The following RRP12 variants were observed in gnomAD, a reference collection of about 807,000 sequenced individuals.
RRP12 encodes ribosomal RNA processing 12 homolog, also known as RRP12-like protein.
A neutral mutation model predicts 157.3 loss-of-function variants in RRP12; 78 were observed. The ratio of observed to expected loss-of-function variants is 0.50; its 90% confidence interval spans 0.41 to 0.60. The LOEUF is 0.60. RRP12 is among the 20% of genes least tolerant of loss of function. The pLI is 0.00. For synonymous variants in RRP12, 726 were observed against 670.9 expected (o/e 1.08, Z -1.27); for missense variants, 1,521 against 1,679.9 (o/e 0.91, Z 1.65).
chr10:97,359,867 A>G (rs1843798557), intron 31 of RRP12, among the ~76,000 whole-genome samples: 2 of 152,198 alleles, frequency 1.3e-5, no homozygotes, highest in Non-Finnish European at 2.9e-5. Context: ...CGGAAGAGCC[A>G]TGAGGTTGTG....
In RRP12 at chr10:97,381,422, G is replaced by A. The variant is rs1174017228; in HGVS notation, c.1382C>T (p.Ala461Val). ...GGCAACAGATTGGGCAGGGCCTGAG[G>A]CCGAGGAGGTCACGGAGCCAATGTC... ...MADIGSVTSSASGPAQSVAKM... is the reference protein window; with the variant it reads ...MADIGSVTSSVSGPAQSVAKM... The change falls in exon 12 of 34, where the codon GCC (alanine) becomes GTC (valine). Residue 461 changes from alanine to valine, a missense_variant. By Grantham distance (64) the Ala-to-Val change is moderately conservative. Transcript: ENST00000370992. 2 of 1,613,400 alleles carry A rather than the reference G, an allele frequency of 1.2e-6. No individual in the cohort carries two copies. Among genetic ancestry groups the A allele is most frequent in the East Asian group, 2.2e-5 (1 of 44,860 alleles).
rs371061792 is a variant in RRP12 at position 97,356,991 on chromosome 10, C to T, written c.*103G>A. ...CCCTAGTTCCAAGTCATCCTGAGTCCAGGCTCTGCCAGAATCTTGAGCACC... is the reference window on the plus strand; with the variant it reads ...CCCTAGTTCCAAGTCATCCTGAGTCTAGGCTCTGCCAGAATCTTGAGCACC... On this transcript the variant is annotated 3_prime_UTR_variant, in exon 34 of 34. Coordinates refer to ENST00000370992, the MANE Select transcript of RRP12 (RefSeq NM_015179.4). 3.1e-5 allele frequency: 21 copies of T among 676,224 alleles called. No homozygotes were observed. The African/African-American group carries it at 3.8e-4, about 12-fold the overall frequency. 41.9% of individuals were successfully genotyped at this position (676,224 alleles called of 1,614,324 possible). A position where few individuals can be genotyped will look rare whatever the true frequency, so the allele number is the denominator to read the frequency against.
intron 15 of RRP12, among the ~76,000 whole-genome samples, chr10:97,377,570 C>T (rs1844344425): frequency 1.3e-5 from 2 of 151,380 alleles, no homozygotes; most frequent in South Asian, 4.2e-4. Flanking sequence ...ACAGGCTTGG[C>T]ACAGTGGCTC....
intron 25 of RRP12, among the ~76,000 whole-genome samples, chr10:97,368,690 G>A (rs906333174): frequency 1.3e-5 from 2 of 152,168 alleles, no homozygotes. Context: ...ACTCCATGAT[G>A]GATCACTGCT....
At position 97,372,732 on chromosome 10, in the gene RRP12, T is replaced by C; in HGVS notation, c.2249+4A>G. ...GCTCAAGTGGGAGGCCCTGAGCATG[T>C]TACCTGGTAAAGTCAGAGCTGGCAG... is the stretch of plus-strand genomic sequence containing the variant. On this transcript the variant is annotated splice_donor_region_variant and intron_variant, in intron 19 of 33. Transcript: ENST00000370992. 6.4e-7 allele frequency: 1 copy of C among 1,557,400 alleles called. No individual in the cohort carries two copies. Among genetic ancestry groups the C allele is most frequent in the Non-Finnish European group, 8.7e-7 (1 of 1,150,204 alleles).
At chr10:97,399,772 G>A (rs980409877) in intron 2 of RRP12, among the ~76,000 whole-genome samples, 5 of 150,156 alleles carry the variant, frequency 3.3e-5, no homozygotes, top group African/African-American at 9.8e-5. Context: ...AAAAAAATTA[G>A]CCGGGCGTGG....
intron 4 of RRP12, chr10:97,393,335 C>A (rs539614730): frequency 2.2e-6 from 1 of 459,448 alleles, no homozygotes; most frequent in Non-Finnish European, 4.3e-6. Context: ...TATAGACATG[C>A]CTTTTGTTTT....
At chr10:97,372,980 G>A (rs192929014) in intron 18 of RRP12, 66 bp downstream of exon 18, 40 of 1,517,146 alleles carry the variant, frequency 2.6e-5, no homozygotes, top group South Asian at 2.2e-4. Context: ...GTAGGGTCTC[G>A]GCCTCTCTGA....
At position 97,372,744 on chromosome 10, in the gene RRP12, G is replaced by C; in HGVS notation, c.2241C>G (p.Asp747Glu). 1.3e-6 allele frequency: 2 copies of C among 1,560,368 alleles called. No individual in the cohort carries two copies. The highest frequency in any genetic ancestry group is 1.7e-6 in the Non-Finnish European group (2 of 1,151,796). Residue 747 changes from aspartate (D) to glutamate (E), a missense_variant, in exon 19 of 34, where the codon GAC becomes GAG. By Grantham distance (45) the Asp-to-Glu change is conservative. Coordinates refer to ENST00000370992, the MANE Select transcript of RRP12 (RefSeq NM_015179.4). The stretch of plus-strand genomic sequence containing the variant: ...GGCCCTGAGCATGTTACCTGGTAAA[G>C]TCAGAGCTGGCAGGGTCGAGCACCT... ...SEKVLDPASS[D>E]FTRLSVLDLV...
intron 6 of RRP12, among the ~76,000 whole-genome samples, chr10:97,388,917 T>G (rs1045967877): frequency 6.6e-6 from 1 of 152,194 alleles, no homozygotes; most frequent in Non-Finnish European, 1.5e-5. Context: ...CAGGGGTTTC[T>G]TCATTCACTT....
At chr10:97,379,862 G>A (rs1466435250) in intron 13 of RRP12, 92 bp from the exon 14 acceptor site, 9 of 1,340,588 alleles carry the variant, frequency 6.7e-6, no homozygotes, top group Non-Finnish European at 9.1e-6. Context: ...TGGAATTCTG[G>A]GCCTGGGTTC....
intron 9 of RRP12, among the ~76,000 whole-genome samples, chr10:97,385,522 C>T (rs1341797119): frequency 7.0e-6 from 1 of 143,172 alleles, no homozygotes; most frequent in African/African-American, 2.5e-5. Context: ...AAGCCAGAGG[C>T]CTTCTTTGAA....
At chr10:97,358,023 C>A (rs1325693140) in intron 33 of RRP12, among the ~76,000 whole-genome samples, 1 of 150,498 alleles carries the variant, frequency 6.6e-6, no homozygotes, top group Non-Finnish European at 1.5e-5. Context: ...ATCTGTATGA[C>A]ATAATATCAT....
At chr10:97,399,680 C>T (rs1348159824) in intron 2 of RRP12, among the ~76,000 whole-genome samples, 1 of 151,226 alleles carries the variant, frequency 6.6e-6, no homozygotes, top group Non-Finnish European at 1.5e-5. Flanking sequence ...CATGGTGAAA[C>T]CCCGTCTCTA....
chr10:97,369,325 A>C, intron 25 of RRP12, 100 bp downstream of exon 25: 26 of 1,299,092 alleles, frequency 2.0e-5, no homozygotes, highest in Non-Finnish European at 2.8e-5. Flanking sequence ...CTGGCTACAA[A>C]AAAAATAGTT....
At chr10:97,391,864 G>A (rs1488098671) in intron 4 of RRP12, among the ~76,000 whole-genome samples, 1 of 152,078 alleles carries the variant, frequency 6.6e-6, no homozygotes, top group Non-Finnish European at 1.5e-5. Flanking sequence ...GAGTTGCAGT[G>A]GGAGGAGGTG....
rs1165337399 is a variant in RRP12, at chr10:97,373,197, G to T, written c.2030C>A (p.Ala677Asp). The T allele has an allele frequency of 6.2e-7, 1 of 1,614,076 alleles. No homozygotes were observed. Among genetic ancestry groups the T allele is most frequent in the Non-Finnish European group, 8.5e-7 (1 of 1,179,980 alleles). Residue 677 changes from alanine to aspartate, a missense_variant, in exon 18 of 34, where the codon GCT (alanine) becomes GAT (aspartate). Coordinates refer to ENST00000370992, the MANE Select transcript of RRP12 (RefSeq NM_015179.4). ...TLITKGCQAEADRAEVSRFAK... is the reference protein window; with the variant it reads ...TLITKGCQAEDDRAEVSRFAK... ...AAAGCGACTCACTTCAGCACGGTCA[G>T]CCTCTGGTAAAAGGATCAAAGTTTG...
intron 30 of RRP12, among the ~76,000 whole-genome samples, chr10:97,363,229 G>C (rs543829516): frequency 6.6e-6 from 1 of 152,352 alleles, no homozygotes; most frequent in African/African-American, 2.4e-5. Flanking sequence ...CTGAGCTTGA[G>C]ACTGACAGGT....
In RRP12 at chr10:97,388,352, T is replaced by A; in HGVS notation, c.917A>T (p.His306Leu). The A allele has an allele frequency of 6.2e-7, 1 of 1,613,922 alleles. No individual in the cohort carries two copies. The highest frequency in any genetic ancestry group is 8.5e-7 in the Non-Finnish European group (1 of 1,179,992). ...GGSKEATTTL[H>L]MLTLLKDLLP... ...CAGGTCCTTCAGCAGCGTCAGCATG[T>A]GCAGCGTGGTGGTGGCCTCCTTGGA... Residue 306 changes from histidine (H) to leucine (L), a missense_variant, in exon 8 of 34, where the codon CAC becomes CTC. His to Leu is a moderately conservative substitution (Grantham distance 99). Coordinates refer to ENST00000370992, the MANE Select transcript of RRP12 (RefSeq NM_015179.4).
Sources: gnomAD v4.1 joint callset for allele counts (sites outside exome capture counted in the v4.1 genomes callset) on GRCh38, gnomAD v4.1.1 for gene constraint, MANE v1.5 for transcripts, NCBI Gene and HGNC (gene_info 2026-07-23, HGNC 2026-07-21) for gene names.